Variants in RND2 observed in about 807,000 individuals in gnomAD.
RND2 encodes the protein rho-related GTP-binding protein RhoN.
Under a neutral mutation model 25.9 loss-of-function variants are expected in RND2, and 16 were observed. The ratio of observed to expected loss-of-function variants is 0.62; its 90% CI spans 0.42 to 0.94. RND2 has a LOEUF of 0.94. Among genes scored for constraint, RND2 ranks in the 40% least tolerant of loss-of-function variants. The pLI is 0.00. For synonymous variants in RND2, 97 were observed against 118.1 expected, an observed-to-expected ratio of 0.82 and a Z score of 1.16; for missense variants, 276 against 305.5, an observed-to-expected ratio of 0.90 and a Z score of 0.72.
rs754129230 is a variant in RND2, at chr17:43,028,200, G to A, written c.435+5G>A. The A allele has an allele frequency of 6.2e-7, 1 of 1,614,114 alleles. No individual in the cohort carries two copies. The highest frequency in any genetic ancestry group is 8.5e-7 in the Non-Finnish European group (1 of 1,180,008). On this transcript the variant is annotated splice_donor_5th_base_variant and intron_variant, in intron 4 of 4. Coordinates refer to ENST00000587250, the MANE Select transcript of RND2 (RefSeq NM_005440.5). The stretch of plus-strand genomic sequence containing the variant: ...ATCCCTGTTACACATGAGCAGGTGG[G>A]ACCCTTGACGTCTGACCTCATCCCA...
In RND2 at chr17:43,030,629, T is replaced by G; in HGVS notation, c.*1949T>G. ...CCAGGTCCTGAGGGTTGAAGAGGAG[T>G]TTTCCGGGCAGGGAAGGGGTAGGAA... On this transcript the variant is annotated 3_prime_UTR_variant, in exon 5 of 5. Coordinates refer to ENST00000587250, the MANE Select transcript of RND2 (RefSeq NM_005440.5). 2.0e-5 allele frequency: 3 copies of G among 151,084 alleles called. No individual in the cohort carries two copies. Among genetic ancestry groups the G allele is most frequent in the Admixed American group, 6.6e-5 (1 of 15,096 alleles). The allele number at this position is 151,084 out of a possible 1,614,324, so 9.4% of individuals were successfully genotyped here.
In RND2 at chr17:43,028,624, C is replaced by T. The variant is rs199859128; in HGVS notation, c.628C>T (p.Arg210Trp). ...RSAQLSGRPD[R>W]GNEGEIHKDR... ...CGCTCAGCTGTCAGGACGGCCAGAC[C>T]GGGGGAATGAGGGCGAGATACACAA... Residue 210 changes from arginine to tryptophan, a missense_variant, in exon 5 of 5, where the codon CGG (arginine) becomes TGG (tryptophan). Coordinates refer to ENST00000587250, the MANE Select transcript of RND2 (RefSeq NM_005440.5). 5.7e-5 allele frequency: 92 copies of T among 1,611,184 alleles called. 1 individual carries two copies. In the Admixed American group the frequency reaches 9.1e-4, roughly 16 times the overall value.
chr17:43,027,349 C>T, intron 3 of RND2, 57 bp downstream of exon 3: 1 of 1,208,580 alleles, frequency 8.3e-7, no homozygotes. Flanking sequence ...CACCATGGTC[C>T]TGACATAACA....
intron 3 of RND2, 63 bp from the exon 4 acceptor site, chr17:43,027,998 C>T (rs969751089): frequency 7.7e-6 from 12 of 1,550,944 alleles, no homozygotes; most frequent in Non-Finnish European, 1.0e-5. Context: ...GCTGGCATGG[C>T]ACAAAGGCTC....
rs1432108032 is a variant in RND2 at position 43,025,258 on chromosome 17, G to T, written c.-90G>T. ...GGGCCCGCGAGATGCCGGTGTTGGC[G>T]GCCCGAGCGGCTGCAGTTGCAGGGG... On this transcript the variant is annotated 5_prime_UTR_variant, in exon 1 of 5. Coordinates refer to ENST00000587250, the MANE Select transcript of RND2 (RefSeq NM_005440.5). 2.6e-6 allele frequency: 3 copies of T among 1,149,476 alleles called. No homozygotes were observed. Among genetic ancestry groups the T allele is most frequent in the African/African-American group, 1.6e-5 (1 of 61,220 alleles). The allele number at this position is 1,149,476 out of a possible 1,614,324, so 71.2% of individuals were successfully genotyped here. A position where few individuals can be genotyped will look rare whatever the true frequency, so the allele number is the denominator to read the frequency against.
chr17:43,028,966 TTGG>T lies in RND2; in HGVS notation c.*290_*292del. The T allele has an allele frequency of 2.2e-6, 1 of 453,848 alleles. No individual in the cohort carries two copies. The highest frequency in any genetic ancestry group is 4.3e-5 in the East Asian group (1 of 23,168). The allele number at this position is 453,848 out of a possible 1,614,324, so 28.1% of individuals were successfully genotyped here. A position where few individuals can be genotyped will look rare whatever the true frequency, so the allele number is the denominator to read the frequency against. The stretch of plus-strand genomic sequence containing the variant: ...GGGAAGCTGGTATCAAATGGTGACC[TTGG>T]TGGAGTCTCCTATGTGAAGAGTACC... On this transcript the variant is annotated 3_prime_UTR_variant, in exon 5 of 5. Coordinates refer to ENST00000587250, the MANE Select transcript of RND2 (RefSeq NM_005440.5).
chr17:43,027,251 G>C lies in RND2; in HGVS notation c.259G>C (p.Asp87His). The change falls in exon 3 of 5, where the codon GAC (aspartate) becomes CAC (histidine). Residue 87 changes from aspartate to histidine, a missense_variant. Asp to His is a moderately conservative substitution (Grantham distance 81). Coordinates refer to ENST00000587250, the MANE Select transcript of RND2 (RefSeq NM_005440.5). ...TTCTGATGCTGTGCTCATCTGCTTC[G>C]ACATTAGCCGACCAGAAACACTGGA... Reference protein sequence around the residue: ...PDSDAVLICFDISRPETLDSV... With the variant: ...PDSDAVLICFHISRPETLDSV... 1 of 1,612,738 alleles carries C rather than the reference G, an allele frequency of 6.2e-7. No individual in the cohort carries two copies. The highest frequency in any genetic ancestry group is 8.5e-7 in the Non-Finnish European group (1 of 1,179,228).
At position 43,029,012 on chromosome 17, in the gene RND2, G is replaced by C. The variant is rs1307230615; in HGVS notation, c.*332G>C. 9.3e-6 allele frequency: 3 copies of C among 322,270 alleles called. No individual in the cohort carries two copies. Among genetic ancestry groups the C allele is most frequent in the African/African-American group, 6.3e-5 (3 of 47,592 alleles). 20.0% of individuals were successfully genotyped at this position (322,270 alleles called of 1,614,324 possible). Reference sequence around the variant, plus strand: ...AGAGTACCCTCCCTCTCCACCCCCAGTCCCCATATCCTGGTTCTGGCCCAA... The same window carrying C: ...AGAGTACCCTCCCTCTCCACCCCCACTCCCCATATCCTGGTTCTGGCCCAA... On this transcript the variant is annotated 3_prime_UTR_variant, in exon 5 of 5. Coordinates refer to ENST00000587250, the MANE Select transcript of RND2 (RefSeq NM_005440.5).
rs962889630 is a variant in RND2 at position 43,028,862 on chromosome 17, C to T, written c.*182C>T. ...CATCGTTTCTCATCTCCTCCTCCCT[C>T]CTCTTCTCCAGTGGATGTTGAGGGA... On this transcript the variant is annotated 3_prime_UTR_variant, in exon 5 of 5. Transcript: ENST00000587250. 66 of 862,092 alleles carry T rather than the reference C, an allele frequency of 7.7e-5. 3 individuals carry two copies. Among genetic ancestry groups the T allele is most frequent in the East Asian group, 4.9e-4 (18 of 36,480 alleles). The allele number at this position is 862,092 out of a possible 1,614,324, so 53.4% of individuals were successfully genotyped here.
intron 1 of RND2, chr17:43,025,671 C>A: frequency 4.6e-6 from 1 of 215,962 alleles, no homozygotes; most frequent in Non-Finnish European, 7.9e-6. Flanking sequence ...AGAACCAGAG[C>A]ATCCGGGAGG....
In RND2 at chr17:43,025,369, T is replaced by C. The variant is rs2050611510; in HGVS notation, c.22T>C (p.Cys8Arg). MEGQSGR[C>R]KIVVVGDAEC... ...GACCATGGAGGGGCAGAGCGGCCGCTGCAAGATCGTGGTGGTGGGAGACGC... is the reference window on the plus strand; with the variant it reads ...GACCATGGAGGGGCAGAGCGGCCGCCGCAAGATCGTGGTGGTGGGAGACGC... The change falls in exon 1 of 5, where the codon TGC becomes CGC. Residue 8 changes from cysteine (C) to arginine (R), a missense_variant. Coordinates refer to ENST00000587250, the MANE Select transcript of RND2 (RefSeq NM_005440.5). The C allele has an allele frequency of 6.4e-7, 1 of 1,551,536 alleles. No individual in the cohort carries two copies. The highest frequency in any genetic ancestry group is 8.7e-7 in the Non-Finnish European group (1 of 1,148,158).
intron 2 of RND2, among the ~76,000 whole-genome samples, chr17:43,026,821 T>C (rs1359914976): frequency 6.6e-6 from 1 of 152,190 alleles, no homozygotes; most frequent in Non-Finnish European, 1.5e-5. Context: ...GTTTTTATTT[T>C]TACAAGAGTT....
At chr17:43,027,314 G>C in intron 3 of RND2, 22 bp downstream of exon 3, 2 of 1,538,346 alleles carry the variant, frequency 1.3e-6, no homozygotes, top group Non-Finnish European at 1.8e-6. Flanking sequence ...GGGAAATAGG[G>C]CAGCTAGACT....
At position 43,025,967 on chromosome 17, in the gene RND2, T is replaced by A; in HGVS notation, c.110T>A (p.Val37Asp). ...ATCCATCCGTGTCTGCAGAGTTATG[T>A]CCCCACCGTGTTTGAGAACTACACT... ...FAKDAYPGSY[V>D]PTVFENYTAS... is the part of the protein sequence containing the mutation. The change falls in exon 2 of 5, where the codon GTC (valine) becomes GAC (aspartate). Residue 37 changes from valine to aspartate, a missense_variant. Val to Asp is a radical substitution (Grantham distance 152). Transcript: ENST00000587250. 6.2e-7 allele frequency: 1 copy of A among 1,611,876 alleles called. No homozygotes were observed. Among genetic ancestry groups the A allele is most frequent in the Non-Finnish European group, 8.5e-7 (1 of 1,178,528 alleles).
chr17:43,027,072 G>T (rs2050628707), intron 2 of RND2, 111 bp from the exon 3 acceptor site: 2 of 650,628 alleles, frequency 3.1e-6, no homozygotes, highest in Non-Finnish European at 5.3e-6. Context: ...ATTAATGGTT[G>T]CTCTTTTCCA....
Position 43,031,161 on chromosome 17 carries a change from C to T in RND2, c.*2481C>T, listed in dbSNP as rs1043837911. 2 of 152,098 alleles carry T rather than the reference C, an allele frequency of 1.3e-5. No individual in the cohort carries two copies. The highest frequency in any genetic ancestry group is 2.4e-5 in the African/African-American group (1 of 41,406). The allele number at this position is 152,098 out of a possible 1,614,324, so 9.4% of individuals were successfully genotyped here. A position where few individuals can be genotyped will look rare whatever the true frequency, so the allele number is the denominator to read the frequency against. ...AATAAAAAATAAAAAATAGCTTCTC[C>T]TTTCCCTTATGCCAGGTTCCAGTCT... On this transcript the variant is annotated 3_prime_UTR_variant, in exon 5 of 5. Transcript: ENST00000587250.
rs771645435 is a variant in RND2 at position 43,027,294 on chromosome 17, TG to T, written c.300+5del. The T allele has an allele frequency of 1.9e-6, 3 of 1,600,796 alleles. No individual in the cohort carries two copies. Among genetic ancestry groups the T allele is most frequent in the Non-Finnish European group, 1.7e-6 (2 of 1,171,414 alleles). ...ACACTGGACAGTGTTCTCAAGAAGG[TG>T]GGAGCCTGGGGAAATAGGGCAGCTA... On this transcript the variant is annotated splice_donor_region_variant and intron_variant, in intron 3 of 4. Transcript: ENST00000587250.
At chr17:43,027,366 A>C in intron 3 of RND2, 74 bp downstream of exon 3, 1 of 981,038 alleles carries the variant, frequency 1.0e-6, no homozygotes, top group Non-Finnish European at 1.5e-6. Context: ...AACATGGGCC[A>C]GGAGGAGGGA....
chr17:43,027,256 T>C lies in RND2; in HGVS notation c.264T>C (p.Ile88=), dbSNP rs2050630478. The change falls in exon 3 of 5, where the codon ATT becomes ATC. Residue 88 remains isoleucine, a synonymous_variant. Coordinates refer to ENST00000587250, the MANE Select transcript of RND2 (RefSeq NM_005440.5). Reference sequence around the variant, plus strand: ...ATGCTGTGCTCATCTGCTTCGACATTAGCCGACCAGAAACACTGGACAGTG... The same window carrying C: ...ATGCTGTGCTCATCTGCTTCGACATCAGCCGACCAGAAACACTGGACAGTG... ...DSDAVLICFD[I]SRPETLDSVL... 2.5e-6 allele frequency: 4 copies of C among 1,612,942 alleles called. No individual in the cohort carries two copies. Among genetic ancestry groups the C allele is most frequent in the Non-Finnish European group, 3.4e-6 (4 of 1,179,390 alleles).
Sources: allele counts gnomAD v4.1 joint callset (sites outside exome capture counted in the v4.1 genomes callset), GRCh38; gene constraint gnomAD v4.1.1; transcripts MANE v1.5; gene names NCBI Gene and HGNC (gene_info 2026-07-23, HGNC 2026-07-21).